ULK1: variants seen among roughly 807,000 people sequenced by gnomAD.
ULK1 encodes serine/threonine-protein kinase ULK1.
In ULK1, 48 loss-of-function variants were observed where a neutral mutation model predicts 117.5. That is an observed-to-expected ratio of 0.41 (90% CI 0.32 to 0.52). The LOEUF is 0.52. Ranked by LOEUF, ULK1 falls within the 20% of genes least tolerant of loss-of-function variation. The pLI, the probability that ULK1 is intolerant of heterozygous loss-of-function variation, is 0.29. For synonymous variants in ULK1, 790 were observed against 637.8 expected (o/e 1.24, Z -3.60); for missense variants, 1,387 against 1,473.4 (o/e 0.94, Z 0.96).
chr12:131,920,198 C>G, intron 26 of ULK1, 62 bp downstream of exon 26: 6 of 1,570,884 alleles, frequency 3.8e-6, no homozygotes, highest in Non-Finnish European at 5.2e-6. Flanking sequence ...GCCGTCTCCA[C>G]TGGGACGGGA....
rs767977604 is a variant in ULK1 at position 131,895,622 on chromosome 12, G to A, written c.133G>A (p.Val45Ile). Residue 45 changes from valine to isoleucine, a missense_variant, in exon 2 of 28, where the codon GTC (valine) becomes ATC (isoleucine). Val to Ile is a conservative substitution (Grantham distance 29). Transcript: ENST00000321867. The stretch of plus-strand genomic sequence containing the variant: ...TCAGAAGCACGATTTGGAGGTCGCC[G>A]TCAAGTGCATTAACAAGAAGAACCT... ...HREKHDLEVAVKCINKKNLAK... is the reference protein window; with the variant it reads ...HREKHDLEVAIKCINKKNLAK... The A allele has an allele frequency of 1.2e-6, 2 of 1,613,942 alleles. No individual in the cohort carries two copies. Among genetic ancestry groups the A allele is most frequent in the South Asian group, 2.2e-5 (2 of 91,066 alleles).
At chr12:131,908,511 C>A in intron 5 of ULK1, 133 bp from the exon 6 acceptor site, 1 of 1,149,302 alleles carries the variant, frequency 8.7e-7, no homozygotes, top group Non-Finnish European at 1.2e-6. Context: ...CCCCTCCTGA[C>A]CCGGGGTTTC....
At chr12:131,917,231 ACGGGGGTCGGGTTCGGCTCGGAGGCTG>A in intron 21 of ULK1, among the ~76,000 whole-genome samples, 153 bp from the exon 22 acceptor site, 1 of 47,144 alleles carries the variant, frequency 2.1e-5, no homozygotes, top group Non-Finnish European at 4.1e-5. Context: ...AGGCTGTGGG[ACGGGGGTCGGGTTCGGCTCGGAGGCTG>A]TGGGACGGGG....
chr12:131,898,730 C>T (rs554411751), intron 3 of ULK1, among the ~76,000 whole-genome samples: 2 of 151,844 alleles, frequency 1.3e-5, no homozygotes, highest in East Asian at 1.9e-4. Context: ...TCGAACTGAC[C>T]TCATGATCCA....
rs1566129953 is a variant in ULK1 at position 131,919,400 on chromosome 12, G to T, written c.2684+16G>T. On this transcript the variant is annotated intron_variant, in intron 24 of 27. Coordinates refer to ENST00000321867, the MANE Select transcript of ULK1 (RefSeq NM_003565.4). ...GAGAATGGGGGTGGGTGCCGCCAGG[G>T]CTGGGGTGGGGCGGGTGGTGGCCTG... 6.4e-7 allele frequency: 1 copy of T among 1,554,992 alleles called. No individual in the cohort carries two copies. The highest frequency in any genetic ancestry group is 1.2e-5 in the South Asian group (1 of 86,386).
At position 131,916,342 on chromosome 12, in the gene ULK1, G is replaced by A. The variant is rs566489328; in HGVS notation, c.1879-56G>A. 4.0e-5 allele frequency: 61 copies of A among 1,524,154 alleles called. No individual in the cohort carries two copies. The Admixed American group carries it at 8.1e-4, about 20-fold the overall frequency. 94.4% of individuals were successfully genotyped at this position (1,524,154 alleles called of 1,614,324 possible). On this transcript the variant is annotated intron_variant, in intron 19 of 27. Transcript: ENST00000321867. The stretch of plus-strand genomic sequence containing the variant: ...GGACTCGGCCCCTTCCCCAGGCACC[G>A]GGCCCCAGGGCTGCAGACCTGCGGG...
chr12:131,916,934 G>GC lies in ULK1; in HGVS notation c.2073-16dup. The GC allele has an allele frequency of 1.2e-6, 2 of 1,604,246 alleles. No homozygotes were observed. The highest frequency in any genetic ancestry group is 1.7e-6 in the Non-Finnish European group (2 of 1,175,154). On this transcript the variant is annotated intron_variant, in intron 20 of 27. Coordinates refer to ENST00000321867, the MANE Select transcript of ULK1 (RefSeq NM_003565.4). Reference sequence around the variant, plus strand: ...TGGGGTGGGCCGGGCACCCAGCACAGCCCTGCACACTCCCACAGGTCTTTC... The same window carrying GC: ...TGGGGTGGGCCGGGCACCCAGCACAGCCCCTGCACACTCCCACAGGTCTTTC...
chr12:131,915,442 G>A (rs1183602932), intron 18 of ULK1, 21 bp downstream of exon 18: 3 of 1,610,330 alleles, frequency 1.9e-6, no homozygotes, highest in Middle Eastern at 1.7e-4. Context: ...TCCGGAGGGG[G>A]GAGGGGGTGC....
At chr12:131,904,877 A>G (rs1889211727) in intron 3 of ULK1, among the ~76,000 whole-genome samples, 1 of 151,886 alleles carries the variant, frequency 6.6e-6, no homozygotes, top group Non-Finnish European at 1.5e-5. Flanking sequence ...GTCTAGCTTC[A>G]TCTCCCCCTC....
rs1215178699 is a variant in ULK1, at chr12:131,917,070, GGTGGGTGGGGCTCGGAGGCT to G, written c.2182+14_2182+33del. The G allele has an allele frequency of 2.5e-6, 4 of 1,588,682 alleles. No homozygotes were observed. In the South Asian group the frequency reaches 3.3e-5, roughly 13 times the overall value. The stretch of plus-strand genomic sequence containing the variant: ...AGAAGCCCATGGAGATCGGTGTGTG[GGTGGGTGGGGCTCGGAGGCT>G]GTGGGATGGGGGTCGGAGGCTGTGG... On this transcript the variant is annotated intron_variant, in intron 21 of 27. Transcript: ENST00000321867.
rs1465403337 is a variant in ULK1 at position 131,908,897 on chromosome 12, G to A, written c.491-1G>A. On this transcript the variant is annotated splice_acceptor_variant, in intron 6 of 27. Coordinates refer to ENST00000321867, the MANE Select transcript of ULK1 (RefSeq NM_003565.4). LOFTEE classifies it high-confidence loss of function. ...CCGGTCCTGACGCTTCTCTCCCGCA[G>A]CTGACTTCGGCTTCGCGCGGTACCT... 6.2e-7 allele frequency: 1 copy of A among 1,610,520 alleles called. No homozygotes were observed. Among genetic ancestry groups the A allele is most frequent in the South Asian group, 1.1e-5 (1 of 91,086 alleles).
chr12:131,894,925 C>A lies in ULK1; in HGVS notation c.-77C>A. On this transcript the variant is annotated 5_prime_UTR_variant, in exon 1 of 28. Transcript: ENST00000321867. Reference sequence around the variant, plus strand: ...GCCCCGCGCCCCCGGCCCGCCCGCCCCGGCCCGCGCCTCCGCCTGAGTCCC... The same window carrying A: ...GCCCCGCGCCCCCGGCCCGCCCGCCACGGCCCGCGCCTCCGCCTGAGTCCC... The A allele has an allele frequency of 3.3e-6, 1 of 302,834 alleles. No homozygotes were observed. Among genetic ancestry groups the A allele is most frequent in the South Asian group, 1.2e-4 (1 of 8,508 alleles). 18.8% of individuals were successfully genotyped at this position (302,834 alleles called of 1,614,324 possible).
At chr12:131,909,691 G>A (rs1250400872) in intron 8 of ULK1, 84 bp from the exon 9 acceptor site, 1 of 1,378,578 alleles carries the variant, frequency 7.3e-7, no homozygotes. Context: ...GGCAGGGGCC[G>A]ACTGGGGACG....
Position 131,903,144 on chromosome 12 carries a change from G to T in ULK1, c.247-3748G>T, listed in dbSNP as rs1566115274. Among the ~76,000 whole-genome samples, 1 of 152,156 alleles carries T rather than the reference G, an allele frequency of 6.6e-6. No homozygotes were observed. The highest frequency in any genetic ancestry group is 2.4e-5 in the African/African-American group (1 of 41,436). ...GAAGGGTGGACAGGCCCAGCTGGGGGCCCCCGTCGGGGGGTGTTGTGGCGC... is the reference window on the plus strand; with the variant it reads ...GAAGGGTGGACAGGCCCAGCTGGGGTCCCCCGTCGGGGGGTGTTGTGGCGC... On this transcript the variant is annotated intron_variant, in intron 3 of 27. Coordinates refer to ENST00000321867, the MANE Select transcript of ULK1 (RefSeq NM_003565.4). This position sits in a 1 kb window ranked among gnomAD's most constrained non-coding sequence, Gnocchi z 6.0.
chr12:131,918,404 T>C (rs992586196), intron 22 of ULK1, 93 bp from the exon 23 acceptor site: 2 of 1,435,822 alleles, frequency 1.4e-6, no homozygotes, highest in African/African-American at 1.4e-5. Context: ...CAGAGGCACA[T>C]TGGGCCCTGG....
rs939171037 is a variant in ULK1 at position 131,908,673 on chromosome 12, A to G, written c.346A>G (p.Arg116Gly). 1 of 1,574,216 alleles carries G rather than the reference A, an allele frequency of 6.4e-7. No homozygotes were observed. Among genetic ancestry groups the G allele is most frequent in the Non-Finnish European group, 8.6e-7 (1 of 1,164,748 alleles). ...AMRTLSEDTI[R>G]LFLQQIAGAM... The stretch of plus-strand genomic sequence containing the variant: ...GCGCACGCTGAGCGAGGACACCATC[A>G]GGCTCTTCCTGCAGCAGATCGCGGG... Residue 116 changes from arginine (R) to glycine (G), a missense_variant, in exon 6 of 28, where the codon AGG becomes GGG. By Grantham distance (125) the Arg-to-Gly change is moderately radical. Around this residue, in one of 4 missense-constraint regions of ULK1, gnomAD observed 224 missense variants for 325.2 expected, o/e 0.69. Transcript: ENST00000321867.
At position 131,902,048 on chromosome 12, in the gene ULK1, C is replaced by T. The variant is rs967392266; in HGVS notation, c.247-4844C>T. On this transcript the variant is annotated intron_variant, in intron 3 of 27. Coordinates refer to ENST00000321867, the MANE Select transcript of ULK1 (RefSeq NM_003565.4). The surrounding 1 kb of genome is among the most constrained non-coding windows in gnomAD (Gnocchi z 6.3). The stretch of plus-strand genomic sequence containing the variant: ...TGTCCAGACCCCCAGGCCCAGCAGG[C>T]GGGAGGCTGCAGAGGTCAGCCTTGG... Among the ~76,000 whole-genome samples, 58 of 152,194 alleles carry T rather than the reference C, an allele frequency of 3.8e-4. No homozygotes were observed. Among genetic ancestry groups the T allele is most frequent in the Middle Eastern group, 3.4e-3 (1 of 294 alleles).
chr12:131,916,106 C>G lies in ULK1; in HGVS notation c.1825C>G (p.Pro609Ala), dbSNP rs761964541. 6.2e-7 allele frequency: 1 copy of G among 1,612,450 alleles called. No homozygotes were observed. The highest frequency in any genetic ancestry group is 8.5e-7 in the Non-Finnish European group (1 of 1,179,814). Reference sequence around the variant, plus strand: ...GAACCTGCGGGGCTCACCCAAGCTGCCCGACTTCCTGCAGCGAAACCCCCT... The same window carrying G: ...GAACCTGCGGGGCTCACCCAAGCTGGCCGACTTCCTGCAGCGAAACCCCCT... ...CRNLRGSPKL[P>A]DFLQRNPLPP... The change falls in exon 19 of 28, where the codon CCC (proline) becomes GCC (alanine). Residue 609 changes from proline to alanine, a missense_variant. Around this residue, in one of 4 missense-constraint regions of ULK1, gnomAD observed 900 missense variants for 858.9 expected, o/e 1.05. Coordinates refer to ENST00000321867, the MANE Select transcript of ULK1 (RefSeq NM_003565.4).
Position 131,908,708 on chromosome 12 carries a change from G to T in ULK1, c.381G>T (p.Arg127=), listed in dbSNP as rs374360198. The change falls in exon 6 of 28, where the codon CGG becomes CGT. Residue 127 remains arginine, a synonymous_variant. Transcript: ENST00000321867. ...LFLQQIAGAM[R]LLHSKGIIHR... ...TGCAGCAGATCGCGGGCGCCATGCG[G>T]CTTCTGCACAGCAAAGGCATCATCC... 1 of 1,604,632 alleles carries T rather than the reference G, an allele frequency of 6.2e-7. No homozygotes were observed. Among genetic ancestry groups the T allele is most frequent in the Admixed American group, 1.7e-5 (1 of 58,920 alleles).
Sources: allele counts gnomAD v4.1 joint callset (sites outside exome capture counted in the v4.1 genomes callset), GRCh38; gene constraint gnomAD v4.1.1; regional missense constraint gnomAD v4.1.1; non-coding constraint Gnocchi (gnomAD v3.1); transcripts MANE v1.5; gene names NCBI Gene and HGNC (gene_info 2026-07-23, HGNC 2026-07-21).